Variants in KLHDC10 observed in about 807,000 individuals in gnomAD.
The protein encoded by KLHDC10 is kelch domain containing 10, also known as kelch domain-containing protein 10.
A neutral mutation model predicts 56.1 loss-of-function variants in KLHDC10; 24 were observed. The ratio of observed to expected loss-of-function variants is 0.43; its 90% confidence interval spans 0.31 to 0.60. KLHDC10 has a LOEUF of 0.60. KLHDC10 is among the 20% of genes least tolerant of loss of function. The probability of loss-of-function intolerance (pLI) is 0.11; values close to 1 mark genes in which losing one functional copy is unlikely to be tolerated. For missense variants in KLHDC10, 349 were observed against 567.0 expected (o/e 0.62, Z 3.91); for synonymous variants, 188 against 207.1 (o/e 0.91, Z 0.79).
intron 2 of KLHDC10, among the ~76,000 whole-genome samples, chr7:130,111,944 G>C (rs1032253711): frequency 6.6e-6 from 1 of 152,138 alleles, no homozygotes; most frequent in Non-Finnish European, 1.5e-5. Flanking sequence ...GAAGAAGTAG[G>C]CACTGGCATA....
At chr7:130,076,291 C>T (rs537975728) in intron 1 of KLHDC10, among the ~76,000 whole-genome samples, 1 of 152,234 alleles carries the variant, frequency 6.6e-6, no homozygotes, top group South Asian at 2.1e-4. Flanking sequence ...TGGACCGGTA[C>T]CAGGGGTCCA....
intron 1 of KLHDC10, among the ~76,000 whole-genome samples, chr7:130,089,128 A>G (rs1313360192): frequency 6.6e-6 from 1 of 152,160 alleles, no homozygotes; most frequent in African/African-American, 2.4e-5. Context: ...AAAAAAAAAC[A>G]TATATTTTAA....
At chr7:130,078,920 A>G (rs1050912204) in intron 1 of KLHDC10, among the ~76,000 whole-genome samples, 1 of 152,208 alleles carries the variant, frequency 6.6e-6, no homozygotes, top group Non-Finnish European at 1.5e-5. Context: ...GCTTTGTCCT[A>G]TTCCTTACTT....
Position 130,130,822 on chromosome 7 carries a change from TG to T in KLHDC10, c.*77del. 7.2e-7 allele frequency: 1 copy of T among 1,398,292 alleles called. No homozygotes were observed. Among genetic ancestry groups the T allele is most frequent in the South Asian group, 1.2e-5 (1 of 84,978 alleles). 86.6% of individuals were successfully genotyped at this position (1,398,292 alleles called of 1,614,324 possible). A position where few individuals can be genotyped will look rare whatever the true frequency, so the allele number is the denominator to read the frequency against. On this transcript the variant is annotated 3_prime_UTR_variant, in exon 10 of 10. Transcript: ENST00000335420. The surrounding 1 kb of genome is among the most constrained non-coding windows in gnomAD (Gnocchi z 4.2). ...CTTTATTTATGGGCAGTGTAGAATG[TG>T]CTACAAAGAGGATTGGTTACCCTGA...
intron 8 of KLHDC10, 71 bp from the exon 9 acceptor site, chr7:130,129,366 C>T (rs1796364952): frequency 2.6e-6 from 4 of 1,559,794 alleles, no homozygotes; most frequent in Non-Finnish European, 2.6e-6. Flanking sequence ...GGCTGTGTGA[C>T]CTACTCTAAA....
At position 130,116,497 on chromosome 7, in the gene KLHDC10, C is replaced by G. The variant is rs1362827126; in HGVS notation, c.306C>G (p.Thr102=). ...RSGHRCVADN[T]NLYVFGGYNP... is the part of the protein sequence containing the mutation. Reference sequence around the variant, plus strand: ...GACATCGTTGTGTGGCAGATAATACCAACCTATATGTGTTTGGAGGTTATA... The same window carrying G: ...GACATCGTTGTGTGGCAGATAATACGAACCTATATGTGTTTGGAGGTTATA... Residue 102 remains threonine (T), a synonymous_variant, in exon 3 of 10, where the codon ACC becomes ACG. Coordinates refer to ENST00000335420, the MANE Select transcript of KLHDC10 (RefSeq NM_014997.4). This position sits in a 1 kb window ranked among gnomAD's most constrained non-coding sequence, Gnocchi z 4.8. 3.7e-6 allele frequency: 6 copies of G among 1,614,126 alleles called. No individual in the cohort carries two copies. The highest frequency in any genetic ancestry group is 5.1e-6 in the Non-Finnish European group (6 of 1,180,018).
chr7:130,093,408 T>C (rs1795806721), intron 1 of KLHDC10, among the ~76,000 whole-genome samples: 1 of 152,038 alleles, frequency 6.6e-6, no homozygotes, highest in Non-Finnish European at 1.5e-5. Flanking sequence ...TGTATTTTAG[T>C]AGAGATGGGG....
chr7:130,106,334 A>C (rs1396774975), intron 2 of KLHDC10, among the ~76,000 whole-genome samples: 2 of 152,208 alleles, frequency 1.3e-5, no homozygotes, highest in Admixed American at 6.5e-5. Flanking sequence ...TTAAAAAATA[A>C]AAGTTTGTTT....
At chr7:130,114,628 A>G (rs1796142757) in intron 2 of KLHDC10, among the ~76,000 whole-genome samples, 1 of 152,190 alleles carries the variant, frequency 6.6e-6, no homozygotes, top group East Asian at 1.9e-4. Context: ...TCTTCATTTA[A>G]GGTAAATAGT....
Position 130,132,247 on chromosome 7 carries a change from A to G in KLHDC10, c.*1501A>G, listed in dbSNP as rs897230196. On this transcript the variant is annotated 3_prime_UTR_variant, in exon 10 of 10. Transcript: ENST00000335420. ...GGCCAACTCACAGCAGGAGACTCGCATGGGAGAGTTGGAACACATCTTTCC... is the reference window on the plus strand; with the variant it reads ...GGCCAACTCACAGCAGGAGACTCGCGTGGGAGAGTTGGAACACATCTTTCC... 6.6e-6 allele frequency: 1 copy of G among 152,210 alleles called. No homozygotes were observed. The highest frequency in any genetic ancestry group is 1.5e-5 in the Non-Finnish European group (1 of 68,056). 9.4% of individuals were successfully genotyped at this position (152,210 alleles called of 1,614,324 possible).
intron 1 of KLHDC10, among the ~76,000 whole-genome samples, chr7:130,072,783 G>A (rs1048127016): frequency 2.0e-5 from 3 of 151,052 alleles, no homozygotes; most frequent in Admixed American, 6.6e-5. Context: ...TTGAGATGGA[G>A]TCTCACTCTG....
At chr7:130,094,325 C>T (rs1022576670) in intron 1 of KLHDC10, among the ~76,000 whole-genome samples, 10 of 152,072 alleles carry the variant, frequency 6.6e-5, no homozygotes, top group African/African-American at 1.9e-4. Context: ...TTATGGATAA[C>T]GTAAAAGAGG....
chr7:130,092,413 C>T (rs190729053), intron 1 of KLHDC10, among the ~76,000 whole-genome samples: 1 of 152,296 alleles, frequency 6.6e-6, no homozygotes, highest in South Asian at 2.1e-4. Context: ...TAGTTTTATG[C>T]TCAATCATCT....
chr7:130,089,257 T>G (rs1795737002), intron 1 of KLHDC10, among the ~76,000 whole-genome samples: 1 of 152,164 alleles, frequency 6.6e-6, no homozygotes, highest in South Asian at 2.1e-4. Flanking sequence ...AGTTTGAGAC[T>G]AGCCTGGGTA....
At position 130,130,364 on chromosome 7, in the gene KLHDC10, T is replaced by C. The variant is rs13224347; in HGVS notation, c.1120-173T>C. On this transcript the variant is annotated intron_variant, in intron 9 of 9. Coordinates refer to ENST00000335420, the MANE Select transcript of KLHDC10 (RefSeq NM_014997.4). This position sits in a 1 kb window ranked among gnomAD's most constrained non-coding sequence, Gnocchi z 4.2. ...TATATATATATATATAGTTTTTCCC[T>C]TAGTAATTCATTAATTATTTAAACC... Among the ~76,000 whole-genome samples, 28,017 of 146,470 alleles carry C rather than the reference T, an allele frequency of 0.19. 3,294 individuals carry two copies. Among genetic ancestry groups the C allele is most frequent in the Non-Finnish European group, 0.26 (17,492 of 67,700 alleles).
At chr7:130,070,863 C>T in intron 1 of KLHDC10, 54 bp downstream of exon 1, 10 of 1,246,202 alleles carry the variant, frequency 8.0e-6, no homozygotes, top group Non-Finnish European at 1.0e-5. Context: ...TGACTGCTAC[C>T]TTTTCTTTTT....
chr7:130,090,333 G>C (rs1169265073), intron 1 of KLHDC10, among the ~76,000 whole-genome samples: 2 of 151,810 alleles, frequency 1.3e-5, no homozygotes, highest in African/African-American at 4.8e-5. Context: ...TCACACCTGT[G>C]ATCCCACCAC....
chr7:130,093,349 G>A (rs372163413), intron 1 of KLHDC10, among the ~76,000 whole-genome samples: 17 of 152,014 alleles, frequency 1.1e-4, no homozygotes, highest in Admixed American at 4.6e-4. Context: ...TCAGCCTCCC[G>A]AGTAGCCAGG....
At position 130,120,689 on chromosome 7, in the gene KLHDC10, A is replaced by G; in HGVS notation, c.476-60A>G. The G allele has an allele frequency of 1.3e-6, 2 of 1,581,732 alleles. No homozygotes were observed. Among genetic ancestry groups the G allele is most frequent in the Non-Finnish European group, 1.7e-6 (2 of 1,155,256 alleles). ...GTAGCTTCTCAGATATTCTGGGTTTATGTGGGAACAAATTGCAGGTAGCCA... is the reference window on the plus strand; with the variant it reads ...GTAGCTTCTCAGATATTCTGGGTTTGTGTGGGAACAAATTGCAGGTAGCCA... On this transcript the variant is annotated intron_variant, in intron 3 of 9. Coordinates refer to ENST00000335420, the MANE Select transcript of KLHDC10 (RefSeq NM_014997.4). This position sits in a 1 kb window ranked among gnomAD's most constrained non-coding sequence, Gnocchi z 5.1.
Sources: gnomAD v4.1 joint callset for allele counts (sites outside exome capture counted in the v4.1 genomes callset) on GRCh38, gnomAD v4.1.1 for gene constraint, Gnocchi (gnomAD v3.1) non-coding constraint, MANE v1.5 for transcripts, NCBI Gene and HGNC (gene_info 2026-07-23, HGNC 2026-07-21) for gene names.